The following CMYA5 variants were observed in gnomAD, a reference collection of about 807,000 sequenced individuals.
CMYA5 encodes the protein cardiomyopathy-associated protein 5.
Under a neutral mutation model 318.9 loss-of-function variants are expected in CMYA5, and 246 were observed. The observed-to-expected ratio is 0.77, with a 90% CI of 0.70 to 0.86. The LOEUF is 0.86. Among genes scored for constraint, CMYA5 ranks in the 40% least tolerant of loss-of-function variants. CMYA5 has a pLI of 0.00. For synonymous variants in CMYA5, 1,641 were observed against 1,729.5 expected (o/e 0.95, Z 1.27); for missense variants, 4,589 against 4,678.2 (o/e 0.98, Z 0.56).
chr5:79,798,710 A>G (rs1829319449), intron 12 of CMYA5, among the ~76,000 whole-genome samples: 4 of 152,186 alleles, frequency 2.6e-5, no homozygotes, highest in Admixed American at 2.6e-4. Flanking sequence ...AGTGCCTAGT[A>G]AAGTGCTGGA....
At chr5:79,745,933 T>A (rs1389208832) in intron 4 of CMYA5, among the ~76,000 whole-genome samples, 2 of 152,198 alleles carry the variant, frequency 1.3e-5, no homozygotes, top group Non-Finnish European at 2.9e-5. Context: ...CATAATGGGG[T>A]ACCCCTCTCA....
chr5:79,744,374 A>G (rs1029518561), intron 3 of CMYA5, among the ~76,000 whole-genome samples: 6 of 152,156 alleles, frequency 3.9e-5, no homozygotes, highest in African/African-American at 9.7e-5. Context: ...AGTGCCTCTC[A>G]TAGCACGACT....
chr5:79,799,631 A>G lies in CMYA5; in HGVS notation c.*15A>G. The G allele has an allele frequency of 6.3e-7, 1 of 1,597,548 alleles. No individual in the cohort carries two copies. On this transcript the variant is annotated 3_prime_UTR_variant, in exon 13 of 13. Transcript: ENST00000446378. ...GGCACAAGTGATCCTTGGCTTTCAG[A>G]ATTTGCAAGAACAGCGATTTGAATT...
At chr5:79,696,394 A>G (rs1827065932) in intron 1 of CMYA5, among the ~76,000 whole-genome samples, 1 of 152,230 alleles carries the variant, frequency 6.6e-6, no homozygotes, top group Admixed American at 6.5e-5. Flanking sequence ...AAAATTCTTC[A>G]TCCTAATCTG....
At chr5:79,716,211 TC>T (rs1827513805) in intron 1 of CMYA5, among the ~76,000 whole-genome samples, 1 of 152,218 alleles carries the variant, frequency 6.6e-6, no homozygotes, top group South Asian at 2.1e-4. Flanking sequence ...TTGATGAAGT[TC>T]TGAAACAATT....
intron 1 of CMYA5, among the ~76,000 whole-genome samples, chr5:79,723,974 C>T (rs2151082368): frequency 6.6e-6 from 1 of 152,090 alleles, no homozygotes; most frequent in East Asian, 1.9e-4. Flanking sequence ...TAATTTATCA[C>T]ATTAACAGGA....
rs1036671490 is a variant in CMYA5, at chr5:79,709,695, C to T, written c.150-19220C>T. 3.3e-5 allele frequency among the ~76,000 whole-genome samples: 5 copies of T among 151,312 alleles called. No homozygotes were observed. The East Asian group carries it at 5.8e-4, about 18-fold the overall frequency. ...AATATCAGCTGGGCGTGGTGACTCACGCCTGTAACTCCAGCACTTTGGGAG... is the reference window on the plus strand; with the variant it reads ...AATATCAGCTGGGCGTGGTGACTCATGCCTGTAACTCCAGCACTTTGGGAG... On this transcript the variant is annotated intron_variant, in intron 1 of 12. Coordinates refer to ENST00000446378, the MANE Select transcript of CMYA5 (RefSeq NM_153610.5).
intron 1 of CMYA5, among the ~76,000 whole-genome samples, chr5:79,703,406 T>A (rs771633893): frequency 2.2e-4 from 34 of 152,206 alleles, no homozygotes; most frequent in Non-Finnish European, 3.7e-4. Flanking sequence ...AACAAAAAAG[T>A]CTTTCACTCT....
chr5:79,721,312 C>T (rs1230278092), intron 1 of CMYA5, among the ~76,000 whole-genome samples: 1 of 151,556 alleles, frequency 6.6e-6, no homozygotes, highest in Non-Finnish European at 1.5e-5. Flanking sequence ...ATTGAGACCC[C>T]CATGTCTATT....
chr5:79,797,361 C>A (rs747088004), intron 12 of CMYA5, among the ~76,000 whole-genome samples: 1 of 152,146 alleles, frequency 6.6e-6, no homozygotes. Context: ...AAAGAAATGC[C>A]AGTTAACAGG....
In CMYA5 at chr5:79,729,857, A is replaced by G. The variant is rs768621910; in HGVS notation, c.1092A>G (p.Pro364=). 6.2e-7 allele frequency: 1 copy of G among 1,612,660 alleles called. No individual in the cohort carries two copies. Among genetic ancestry groups the G allele is most frequent in the Non-Finnish European group, 8.5e-7 (1 of 1,179,168 alleles). Residue 364 remains proline, a synonymous_variant, in exon 2 of 13, where the codon CCA becomes CCG. Coordinates refer to ENST00000446378, the MANE Select transcript of CMYA5 (RefSeq NM_153610.5). ...AGCTCAGGCATTCACAGTCAGTGCC[A>G]CAACAGCCAGAAGATGAAGCAAAAC... ...GIQLRHSQSV[P]QQPEDEAKPH...
At chr5:79,726,711 CCAGGATCT>C (rs946275463) in intron 1 of CMYA5, among the ~76,000 whole-genome samples, 1 of 152,086 alleles carries the variant, frequency 6.6e-6, no homozygotes, top group African/African-American at 2.4e-5. Flanking sequence ...ACTAAGGAGA[CCAGGATCT>C]CAGGACAGCC....
At position 79,729,417 on chromosome 5, in the gene CMYA5, A is replaced by C; in HGVS notation, c.652A>C (p.Arg218=). 2 of 1,613,842 alleles carry C rather than the reference A, an allele frequency of 1.2e-6. No homozygotes were observed. Among genetic ancestry groups the C allele is most frequent in the Middle Eastern group, 1.7e-4 (1 of 6,060 alleles). ...CAAAGAACACAAGCCATTAGTGTTA[A>C]GACCAGTCTACATAGGAACAGTACA... ...IYKEHKPLVL[R]PVYIGTVQYK... The change falls in exon 2 of 13, where the codon AGA becomes CGA. Residue 218 remains arginine (R), a synonymous_variant. Transcript: ENST00000446378.
chr5:79,717,553 G>C (rs927349569), intron 1 of CMYA5, among the ~76,000 whole-genome samples: 2 of 152,158 alleles, frequency 1.3e-5, no homozygotes, highest in Non-Finnish European at 2.9e-5. Flanking sequence ...ATACAAAGAT[G>C]ATTCATTCTA....
rs1403143797 is a variant in CMYA5, at chr5:79,732,494, G to T, written c.3729G>T (p.Leu1243Phe). 1.9e-6 allele frequency: 3 copies of T among 1,613,010 alleles called. No homozygotes were observed. The highest frequency in any genetic ancestry group is 1.3e-5 in the African/African-American group (1 of 74,914). Residue 1243 changes from leucine to phenylalanine, a missense_variant, in exon 2 of 13, where the codon TTG becomes TTT. By Grantham distance (22) the Leu-to-Phe change is conservative. Coordinates refer to ENST00000446378, the MANE Select transcript of CMYA5 (RefSeq NM_153610.5). ...AGTCTGAGATGAAATATTCAGTTTT[G>T]CCTGACATGGTAGATGAGCCAAAGA... ...VPESEMKYSV[L>F]PDMVDEPKKG...
At chr5:79,790,093 G>A (rs553239042) in intron 10 of CMYA5, among the ~76,000 whole-genome samples, 1 of 152,260 alleles carries the variant, frequency 6.6e-6, no homozygotes, top group African/African-American at 2.4e-5. Flanking sequence ...ACAAGCGATC[G>A]GCTTACCCAG....
rs1174937346 is a variant in CMYA5, at chr5:79,734,068, A to G, written c.5303A>G (p.Glu1768Gly). Residue 1768 changes from glutamate (E) to glycine (G), a missense_variant, in exon 2 of 13, where the codon GAA (glutamate) becomes GGA (glycine). Glu to Gly is a moderately conservative substitution (Grantham distance 98, BLOSUM62 -2). This residue lies in a region of CMYA5 where 2,132 missense variants were observed against 2,131.3 expected (regional missense o/e 1.00). Transcript: ENST00000446378. ...PADFKKGGNQ[E>G]IGPLPPTGNL... is the part of the protein sequence containing the mutation. ...GACTTTAAAAAGGGAGGAAATCAAG[A>G]AATAGGCCCATTACCACCAACTGGA... 2.0e-5 allele frequency: 32 copies of G among 1,613,726 alleles called. No homozygotes were observed. Among genetic ancestry groups the G allele is most frequent in the Non-Finnish European group, 2.5e-5 (29 of 1,179,822 alleles).
At chr5:79,759,387 G>A (rs564990189) in intron 7 of CMYA5, among the ~76,000 whole-genome samples, 1 of 152,338 alleles carries the variant, frequency 6.6e-6, no homozygotes, top group East Asian at 1.9e-4. Flanking sequence ...TCTCAGGTCT[G>A]TCTTTGCTAA....
rs191875646 is a variant in CMYA5 at position 79,755,487 on chromosome 5, G to A, written c.11110+2693G>A. ...TTTTTAGTAGACATGGGGTTTTGCT[G>A]TGTTGGCCAGGTTGGTCTCCTACTC... On this transcript the variant is annotated intron_variant, in intron 6 of 12. Transcript: ENST00000446378. Among the ~76,000 whole-genome samples the A allele has an allele frequency of 3.9e-3, 586 of 152,102 alleles. 13 individuals are homozygous for A. Among genetic ancestry groups the A allele is most frequent in the Non-Finnish European group, 2.5e-3 (168 of 67,980 alleles).
Sources: allele counts gnomAD v4.1 joint callset (sites outside exome capture counted in the v4.1 genomes callset), GRCh38; gene constraint gnomAD v4.1.1; regional missense constraint gnomAD v4.1.1; transcripts MANE v1.5; gene names NCBI Gene and HGNC (gene_info 2026-07-23, HGNC 2026-07-21).